EIF5: variants seen among roughly 807,000 people sequenced by gnomAD.
EIF5 encodes eukaryotic translation initiation factor 5.
In EIF5, 10 loss-of-function variants were observed where a neutral mutation model predicts 48.3. The ratio of observed to expected loss-of-function variants is 0.21; its 90% CI spans 0.13 to 0.35. The LOEUF (loss-of-function observed/expected upper bound fraction) is 0.35. Among genes scored for constraint, EIF5 ranks in the 10% least tolerant of loss-of-function variants. EIF5 has a pLI of 1.00. For synonymous variants in EIF5, 237 were observed against 173.1 expected (o/e 1.37, Z -2.90); for missense variants, 397 against 533.2 (o/e 0.74, Z 2.51).
Position 103,336,126 on chromosome 14 carries a change from A to C in EIF5, c.154+9A>C. 1.2e-6 allele frequency: 2 copies of C among 1,613,624 alleles called. No individual in the cohort carries two copies. The highest frequency in any genetic ancestry group is 1.7e-6 in the Non-Finnish European group (2 of 1,179,714). The stretch of plus-strand genomic sequence containing the variant: ...TAATCGGCCTCCAACGTGTAAGTAA[A>C]GCTTGGAAAAGTCCACAGGGCATAT... On this transcript the variant is annotated intron_variant, in intron 4 of 11. Transcript: ENST00000216554.
rs185259246 is a variant in EIF5, at chr14:103,339,965, T to C, written c.1071+162T>C. Among the ~76,000 whole-genome samples, 309 of 152,286 alleles carry C rather than the reference T, an allele frequency of 2.0e-3. 2 individuals carry two copies. The highest frequency in any genetic ancestry group is 1.6e-3 in the Non-Finnish European group (110 of 68,020). On this transcript the variant is annotated intron_variant, in intron 10 of 11. Transcript: ENST00000216554. ...CCTCCACGTCCCGGCTTCAAGTGAT[T>C]CTCCTGCCTCAGCCTCCCAAGTAGC...
At position 103,338,747 on chromosome 14, in the gene EIF5, G is replaced by A; in HGVS notation, c.598G>A (p.Asp200Asn). 2 of 1,613,776 alleles carry A rather than the reference G, an allele frequency of 1.2e-6. No individual in the cohort carries two copies. The highest frequency in any genetic ancestry group is 2.7e-5 in the African/African-American group (2 of 74,996). The stretch of plus-strand genomic sequence containing the variant: ...TTTTCATAAACAGGAAGAAGAGGAG[G>A]ATGATGACTGGGGAGAAGATACAAC... ...PPPHTMEEEE[D>N]DDWGEDTTEE... The change falls in exon 8 of 12, where the codon GAT (aspartate) becomes AAT (asparagine). Residue 200 changes from aspartate to asparagine, a missense_variant. Coordinates refer to ENST00000216554, the MANE Select transcript of EIF5 (RefSeq NM_001969.5).
chr14:103,338,196 CATTGTGTGT>C (rs1427233483), intron 6 of EIF5, 122 bp from the exon 7 acceptor site: 2 of 1,246,642 alleles, frequency 1.6e-6, no homozygotes, highest in African/African-American at 1.5e-5. Flanking sequence ...TCTTAGGTAG[CATTGTGTGT>C]GCTGTGTGGT....
At position 103,338,931 on chromosome 14, in the gene EIF5, C is replaced by CA. The variant is rs771635560; in HGVS notation, c.744+39dup. 4.4e-6 allele frequency: 7 copies of CA among 1,601,710 alleles called. No homozygotes were observed. In the African/African-American group the frequency reaches 6.7e-5, roughly 15 times the overall value. ...CTTGGTCTGTAAATCAGCTTCAACC[C>CA]AGCCTTGTTTGTGCCTTTAGATATA... is the stretch of plus-strand genomic sequence containing the variant. On this transcript the variant is annotated intron_variant, in intron 8 of 11. Transcript: ENST00000216554.
At position 103,344,890 on chromosome 14, in the gene EIF5, G is replaced by C. The variant is rs911367828; in HGVS notation, c.*3838G>C. ...AGGTCTAGCAATACACTGTTTACAAGAGCATCACCTAAAATGTGACAAAAG... is the reference window on the plus strand; with the variant it reads ...AGGTCTAGCAATACACTGTTTACAACAGCATCACCTAAAATGTGACAAAAG... On this transcript the variant is annotated 3_prime_UTR_variant, in exon 12 of 12. Transcript: ENST00000216554. 1 of 152,168 alleles carries C rather than the reference G, an allele frequency of 6.6e-6. No individual in the cohort carries two copies. Among genetic ancestry groups the C allele is most frequent in the African/African-American group, 2.4e-5 (1 of 41,428 alleles). 9.4% of individuals were successfully genotyped at this position (152,168 alleles called of 1,614,324 possible).
At chr14:103,335,203 A>G (rs1381213599) in intron 2 of EIF5, 2 of 150,946 alleles carry the variant, frequency 1.3e-5, no homozygotes, top group African/African-American at 4.8e-5. Flanking sequence ...ATGGTTGCCG[A>G]AGCAACGATT....
At chr14:103,339,374 GT>G in intron 9 of EIF5, 41 bp downstream of exon 9, 2 of 1,561,830 alleles carry the variant, frequency 1.3e-6, no homozygotes, top group Non-Finnish European at 1.7e-6. Context: ...GATTACAGTT[GT>G]GTGGCTTTCG....
intron 7 of EIF5, 23 bp downstream of exon 7, chr14:103,338,495 A>C: frequency 6.4e-7 from 1 of 1,551,246 alleles, no homozygotes; most frequent in Non-Finnish European, 8.7e-7. Flanking sequence ...TTGATGGCCT[A>C]GTGGGCACTA....
chr14:103,334,994 G>C (rs1250983990), intron 2 of EIF5: 1 of 152,276 alleles, frequency 6.6e-6, no homozygotes, highest in African/African-American at 2.4e-5. Context: ...CTCCTTCGCG[G>C]AGCTGCCCGG....
Position 103,341,268 on chromosome 14 carries a change from T to C in EIF5, c.*216T>C, listed in dbSNP as rs1566723721. ...TGAGCAGATGTAGTTTGCTTATTTA[T>C]AGCATGTTTCTTTTTGAAAAACTAG... is the stretch of plus-strand genomic sequence containing the variant. On this transcript the variant is annotated 3_prime_UTR_variant, in exon 12 of 12. Transcript: ENST00000216554. 2 of 467,960 alleles carry C rather than the reference T, an allele frequency of 4.3e-6. No individual in the cohort carries two copies. Among genetic ancestry groups the C allele is most frequent in the Non-Finnish European group, 3.9e-6 (1 of 256,838 alleles). The allele number at this position is 467,960 out of a possible 1,614,324, so 29.0% of individuals were successfully genotyped here.
At chr14:103,335,338 C>G (rs944073118) in intron 2 of EIF5, 1 of 156,930 alleles carries the variant, frequency 6.4e-6, no homozygotes, top group South Asian at 1.7e-4. Context: ...TTCAGCACTT[C>G]CAGGATGGCC....
Position 103,340,955 on chromosome 14 carries a change from C to G in EIF5, c.1207-8C>G. The G allele has an allele frequency of 1.9e-6, 3 of 1,612,860 alleles. No individual in the cohort carries two copies. The highest frequency in any genetic ancestry group is 2.5e-6 in the Non-Finnish European group (3 of 1,178,910). On this transcript the variant is annotated splice_region_variant and splice_polypyrimidine_tract_variant and intron_variant, in intron 11 of 11. Transcript: ENST00000216554. ...GCTTATGTTGAATAAAATCATTCCT[C>G]TTAACAGGTGGTGTATTCGAAGGCT...
chr14:103,341,868 AC>A lies in EIF5; in HGVS notation c.*817del, dbSNP rs2089356848. ...ACTTGCTTTGGGGTGCAATTAATAA[AC>A]TGATTTTATTTGGGAGAAACAAGGA... On this transcript the variant is annotated 3_prime_UTR_variant, in exon 12 of 12. Coordinates refer to ENST00000216554, the MANE Select transcript of EIF5 (RefSeq NM_001969.5). The A allele has an allele frequency of 6.6e-6, 1 of 152,642 alleles. No individual in the cohort carries two copies. Among genetic ancestry groups the A allele is most frequent in the African/African-American group, 2.4e-5 (1 of 41,456 alleles). 9.5% of individuals were successfully genotyped at this position (152,642 alleles called of 1,614,324 possible). A position where few individuals can be genotyped will look rare whatever the true frequency, so the allele number is the denominator to read the frequency against.
chr14:103,339,002 T>G (rs575908251), intron 8 of EIF5, 109 bp downstream of exon 8: 1 of 1,495,216 alleles, frequency 6.7e-7, no homozygotes, highest in African/African-American at 1.4e-5. Flanking sequence ...GCACGACTTT[T>G]TAGAACTCTT....
chr14:103,338,666 G>A, intron 7 of EIF5, 69 bp from the exon 8 acceptor site: 1 of 1,567,912 alleles, frequency 6.4e-7, no homozygotes, highest in Non-Finnish European at 8.6e-7. Context: ...CCATTAACTT[G>A]GCAAAATCTG....
Position 103,337,262 on chromosome 14 carries a change from G to A in EIF5, c.439+35G>A, listed in dbSNP as rs775001698. 17 of 1,535,878 alleles carry A rather than the reference G, an allele frequency of 1.1e-5. No homozygotes were observed. In the East Asian group the frequency reaches 2.3e-4, roughly 20 times the overall value. On this transcript the variant is annotated intron_variant, in intron 6 of 11. Transcript: ENST00000216554. ...CCATGATGAACTCCTAAGATCCTAAGATAAGTTACTAACTGTTGGGAACAA... is the reference window on the plus strand; with the variant it reads ...CCATGATGAACTCCTAAGATCCTAAAATAAGTTACTAACTGTTGGGAACAA...
At position 103,342,963 on chromosome 14, in the gene EIF5, C is replaced by T. The variant is rs2089371257; in HGVS notation, c.*1911C>T. 6.6e-6 allele frequency: 1 copy of T among 152,588 alleles called. No homozygotes were observed. The highest frequency in any genetic ancestry group is 2.1e-4 in the South Asian group (1 of 4,826). The allele number at this position is 152,588 out of a possible 1,614,324, so 9.5% of individuals were successfully genotyped here. ...GTTCTACTTTTAATCTGAGGGAAAA[C>T]ATGTTCAGGGCTTCTAGAACACTAA... On this transcript the variant is annotated 3_prime_UTR_variant, in exon 12 of 12. Transcript: ENST00000216554.
Position 103,342,135 on chromosome 14 carries a change from CTTTTTCTTTTT to C in EIF5, c.*1092_*1102del, listed in dbSNP as rs1566724182. Reference sequence around the variant, plus strand: ...TGTGTTTCAAACTTGATTTTCTTTCCTTTTTCTTTTTTTTTTCTTCCAGAATGTCTTATTTA... The same window carrying C: ...TGTGTTTCAAACTTGATTTTCTTTCCTTTTTCTTCCAGAATGTCTTATTTA... On this transcript the variant is annotated 3_prime_UTR_variant, in exon 12 of 12. Coordinates refer to ENST00000216554, the MANE Select transcript of EIF5 (RefSeq NM_001969.5). 2 of 152,032 alleles carry C rather than the reference CTTTTTCTTTTT, an allele frequency of 1.3e-5. No homozygotes were observed. The highest frequency in any genetic ancestry group is 4.8e-5 in the African/African-American group (2 of 41,266). 9.4% of individuals were successfully genotyped at this position (152,032 alleles called of 1,614,324 possible).
intron 7 of EIF5, 65 bp downstream of exon 7, chr14:103,338,537 G>A (rs552238556): frequency 1.3e-6 from 2 of 1,518,136 alleles, no homozygotes; most frequent in Non-Finnish European, 1.8e-6. Context: ...ATTTGGTTGA[G>A]GTGGGTGGAA....
Sources: gnomAD v4.1 joint callset for allele counts (sites outside exome capture counted in the v4.1 genomes callset) on GRCh38, gnomAD v4.1.1 for gene constraint, MANE v1.5 for transcripts, NCBI Gene and HGNC (gene_info 2026-07-23, HGNC 2026-07-21) for gene names.